The following IPCEF1 variants were observed in gnomAD, a reference collection of about 807,000 sequenced individuals.
IPCEF1 encodes the protein interactor protein for cytohesin exchange factors 1.
A neutral mutation model predicts 50.9 loss-of-function variants in IPCEF1; 31 were observed. The observed-to-expected ratio is 0.61, with a 90% CI of 0.46 to 0.82. The LOEUF is 0.82. Among genes scored for constraint, IPCEF1 ranks in the 40% least tolerant of loss-of-function variants. IPCEF1 has a pLI of 0.00. For missense variants in IPCEF1, 458 were observed against 514.0 expected, an observed-to-expected ratio of 0.89 and a Z score of 1.05; for synonymous variants, 181 against 192.0, an observed-to-expected ratio of 0.94 and a Z score of 0.47.
At chr6:154,280,446 TC>T (rs1186758618) in intron 2 of IPCEF1, among the ~76,000 whole-genome samples, 2 of 152,030 alleles carry the variant, frequency 1.3e-5, no homozygotes, top group East Asian at 3.9e-4. Flanking sequence ...AAAATGTCCA[TC>T]AATGGGAAAA....
intron 1 of IPCEF1, among the ~76,000 whole-genome samples, chr6:154,336,638 C>T (rs2128695911): frequency 6.6e-6 from 1 of 152,250 alleles, no homozygotes; most frequent in South Asian, 2.1e-4. Flanking sequence ...AGGTCTCACT[C>T]TGTTACCCAG....
chr6:154,175,748 G>A (rs7755913), intron 10 of IPCEF1, among the ~76,000 whole-genome samples: 17,545 of 152,158 alleles, frequency 0.12, 1,855 homozygotes, highest in African/African-American at 0.28. Context: ...GAGGTACAAA[G>A]AGGAGCTGGT....
At chr6:154,310,420 C>A (rs758508953) in intron 1 of IPCEF1, among the ~76,000 whole-genome samples, 7 of 152,100 alleles carry the variant, frequency 4.6e-5, no homozygotes, top group Non-Finnish European at 1.0e-4. Context: ...AGGATGCAGA[C>A]CCTTGCACAC....
intron 10 of IPCEF1, among the ~76,000 whole-genome samples, chr6:154,178,180 C>G (rs1156908403): frequency 1.3e-5 from 2 of 152,030 alleles, no homozygotes; most frequent in African/African-American, 4.8e-5. Context: ...AGGAGAAATA[C>G]CTAATGTAAA....
chr6:154,340,812 G>C (rs1229967292), intron 1 of IPCEF1, among the ~76,000 whole-genome samples: 1 of 151,278 alleles, frequency 6.6e-6, no homozygotes, highest in African/African-American at 2.4e-5. Context: ...TTGAACCCAG[G>C]AGGCAGAGGT....
intron 1 of IPCEF1, among the ~76,000 whole-genome samples, chr6:154,331,384 A>AAAGAAAG (rs1783659734): frequency 7.4e-6 from 1 of 135,506 alleles, no homozygotes; most frequent in Non-Finnish European, 1.6e-5. Context: ...AGAAAGAAAG[A>AAAGAAAG]AAGAAAGAAA....
intron 1 of IPCEF1, among the ~76,000 whole-genome samples, chr6:154,329,791 T>C (rs1783615492): frequency 6.6e-6 from 1 of 152,180 alleles, no homozygotes; most frequent in Non-Finnish European, 1.5e-5. Context: ...AGTGGCGAAT[T>C]CACATGCTTC....
intron 1 of IPCEF1, among the ~76,000 whole-genome samples, chr6:154,293,610 G>A (rs1317051432): frequency 6.6e-6 from 1 of 152,148 alleles, no homozygotes; most frequent in Non-Finnish European, 1.5e-5. Flanking sequence ...ATTTCATAAA[G>A]AAGCAGGAAC....
intron 2 of IPCEF1, among the ~76,000 whole-genome samples, chr6:154,288,667 C>CAA (rs552235190): frequency 8.9e-6 from 1 of 112,650 alleles, no homozygotes; most frequent in African/African-American, 3.2e-5. Context: ...GTCTAAAAAA[C>CAA]AAAAAAAACA....
intron 1 of IPCEF1, among the ~76,000 whole-genome samples, chr6:154,346,905 A>G (rs557253059): frequency 6.6e-6 from 1 of 152,260 alleles, no homozygotes; most frequent in East Asian, 1.9e-4. Context: ...CTATCCAAGC[A>G]TATCCTCTCA....
At chr6:154,272,596 T>C (rs1272982602) in intron 2 of IPCEF1, among the ~76,000 whole-genome samples, 1 of 152,144 alleles carries the variant, frequency 6.6e-6, no homozygotes, top group Non-Finnish European at 1.5e-5. Context: ...AACTAGAAAA[T>C]ATGTTTTGTT....
At chr6:154,222,796 T>G (rs1263669582) in intron 6 of IPCEF1, among the ~76,000 whole-genome samples, 1 of 152,234 alleles carries the variant, frequency 6.6e-6, no homozygotes, top group African/African-American at 2.4e-5. Flanking sequence ...AAAGCTGGTC[T>G]TGCTGGCGTA....
At chr6:154,237,048 T>C (rs984604010) in intron 5 of IPCEF1, among the ~76,000 whole-genome samples, 3 of 152,224 alleles carry the variant, frequency 2.0e-5, no homozygotes, top group African/African-American at 7.2e-5. Flanking sequence ...TATGGAAGAT[T>C]AAACACAGCA....
chr6:154,328,781 T>G (rs1458738220), intron 1 of IPCEF1, among the ~76,000 whole-genome samples: 4 of 152,184 alleles, frequency 2.6e-5, no homozygotes, highest in Non-Finnish European at 5.9e-5. Context: ...ATGAAGTCAA[T>G]GGTTCCTATT....
intron 5 of IPCEF1, among the ~76,000 whole-genome samples, chr6:154,229,962 A>G (rs1779595522): frequency 6.6e-6 from 1 of 152,226 alleles, no homozygotes; most frequent in Non-Finnish European, 1.5e-5. Context: ...GTGAAACACA[A>G]GCGATCAGTT....
chr6:154,252,123 T>A (rs994116373), intron 3 of IPCEF1, among the ~76,000 whole-genome samples: 1 of 152,172 alleles, frequency 6.6e-6, no homozygotes, highest in African/African-American at 2.4e-5. Flanking sequence ...GACTTGTCAC[T>A]GTATAAAGAG....
intron 7 of IPCEF1, among the ~76,000 whole-genome samples, chr6:154,216,093 A>G (rs1778370225): frequency 6.6e-6 from 1 of 152,192 alleles, no homozygotes; most frequent in African/African-American, 2.4e-5. Flanking sequence ...TTAAATATCC[A>G]TCCCCTTCAC....
Position 154,212,853 on chromosome 6 carries a change from A to G in IPCEF1, c.454T>C (p.Cys152Arg). Residue 152 changes from cysteine to arginine, a missense_variant and splice_region_variant, in exon 9 of 12, where the codon TGT becomes CGT. Coordinates refer to ENST00000367220, the MANE Select transcript of IPCEF1 (RefSeq NM_001130700.2). ...HQESTTKDEE[C>R]YSESEQEDPE... is the part of the protein sequence containing the mutation. ...TCTTCCTGTTCACTTTCACTGTAAC[A>G]TTCTATAACAAAAATGAAAATGCTT... The G allele has an allele frequency of 6.2e-7, 1 of 1,606,328 alleles. No individual in the cohort carries two copies.
chr6:154,254,493 C>G (rs903942752), intron 3 of IPCEF1, among the ~76,000 whole-genome samples: 1 of 152,210 alleles, frequency 6.6e-6, no homozygotes, highest in Non-Finnish European at 1.5e-5. Flanking sequence ...ATGGTGGAAA[C>G]TGCTCCCATG....
Sources: gnomAD v4.1 joint callset for allele counts (sites outside exome capture counted in the v4.1 genomes callset) on GRCh38, gnomAD v4.1.1 for gene constraint, MANE v1.5 for transcripts, NCBI Gene and HGNC (gene_info 2026-07-23, HGNC 2026-07-21) for gene names.